LRP1B: variants seen among roughly 807,000 people sequenced by gnomAD.
LRP1B encodes LDL receptor related protein 1B.
Under a neutral mutation model 556.6 loss-of-function variants are expected in LRP1B, and 217 were observed. The observed-to-expected ratio is 0.39, with a 90% CI of 0.35 to 0.44. LRP1B has a LOEUF of 0.44. LRP1B is among the 20% of genes least tolerant of loss of function. The pLI, the probability that LRP1B is intolerant of heterozygous loss-of-function variation, is 1.00. For missense variants in LRP1B, 5,053 were observed against 5,620.8 expected (o/e 0.90, Z 3.23); for synonymous variants, 2,047 against 1,865.8 (o/e 1.10, Z -2.50).
At chr2:141,208,446 G>T (rs1682378748) in intron 6 of LRP1B, 1 of 152,202 alleles carries the variant, frequency 6.6e-6, no homozygotes, top group African/African-American at 2.4e-5. Flanking sequence ...GAATCGCTTG[G>T]CTACTGGCAT....
chr2:140,233,610 C>A (rs1052618350), intron 90 of LRP1B, among the ~76,000 whole-genome samples: 6 of 151,144 alleles, frequency 4.0e-5, no homozygotes, highest in Admixed American at 2.0e-4. Context: ...TTTGTAAAAG[C>A]TATGTTCACT....
At chr2:141,057,512 G>C (rs1404107791) in intron 9 of LRP1B, among the ~76,000 whole-genome samples, 1 of 151,778 alleles carries the variant, frequency 6.6e-6, no homozygotes, top group Non-Finnish European at 1.5e-5. Context: ...GTGTTGTTGG[G>C]GGGGACCCAG....
At chr2:141,120,458 C>G (rs1701019529) in intron 7 of LRP1B, among the ~76,000 whole-genome samples, 1 of 151,934 alleles carries the variant, frequency 6.6e-6, no homozygotes, top group East Asian at 1.9e-4. Context: ...CAATATTTGA[C>G]TATTTTAACC....
At chr2:142,051,089 G>A (rs1297537173) in intron 1 of LRP1B, among the ~76,000 whole-genome samples, 1 of 152,074 alleles carries the variant, frequency 6.6e-6, no homozygotes. Context: ...ATAAGACCAT[G>A]AAAGAGGATA....
chr2:140,519,854 TG>T (rs1212004208), intron 49 of LRP1B, among the ~76,000 whole-genome samples: 1 of 152,028 alleles, frequency 6.6e-6, no homozygotes, highest in Non-Finnish European at 1.5e-5. Context: ...AACAGACACA[TG>T]AAAAAAATGC....
chr2:141,669,495 C>T lies in LRP1B; in HGVS notation c.205+140784G>A, dbSNP rs556594140. On this transcript the variant is annotated intron_variant, in intron 2 of 90. Coordinates refer to ENST00000389484, the MANE Select transcript of LRP1B (RefSeq NM_018557.3). ...CAGATCAAAACCTTCCTCTGGGAAG[C>T]CTGCCTCTAGGCAGGGAAGGTGTTC... Among the ~76,000 whole-genome samples, 5 of 152,186 alleles carry T rather than the reference C, an allele frequency of 3.3e-5. No homozygotes were observed. The South Asian group carries it at 8.3e-4, about 25-fold the overall frequency.
At chr2:141,414,564 C>T (rs1002235313) in intron 3 of LRP1B, among the ~76,000 whole-genome samples, 13 of 152,176 alleles carry the variant, frequency 8.5e-5, no homozygotes, top group African/African-American at 2.9e-4. Context: ...ACAGCCCTTG[C>T]CCATAGTGCA....
At chr2:141,421,009 C>T (rs1016593645) in intron 3 of LRP1B, among the ~76,000 whole-genome samples, 5 of 152,182 alleles carry the variant, frequency 3.3e-5, no homozygotes, top group African/African-American at 1.2e-4. Context: ...TTAAACCACT[C>T]TTCTTATGCC....
intron 60 of LRP1B, among the ~76,000 whole-genome samples, chr2:140,467,463 T>A (rs575861245): frequency 0.016 from 2,363 of 150,540 alleles, 57 homozygotes; most frequent in African/African-American, 0.052. Flanking sequence ...AAAAAAAAAA[T>A]TTGCTGGGCC....
At chr2:140,545,398 C>T (rs1680292831) in intron 43 of LRP1B, among the ~76,000 whole-genome samples, 1 of 151,978 alleles carries the variant, frequency 6.6e-6, no homozygotes, top group Admixed American at 6.6e-5. Flanking sequence ...AGCTTGTCTT[C>T]CAGGGTTTTT....
intron 1 of LRP1B, among the ~76,000 whole-genome samples, chr2:141,875,998 AT>A (rs1283533263): frequency 5.3e-5 from 8 of 152,190 alleles, no homozygotes; most frequent in African/African-American, 1.9e-4. Flanking sequence ...TAAAACAATA[AT>A]ACAGGAAGAA....
chr2:141,380,653 T>C (rs1226906418), intron 3 of LRP1B, among the ~76,000 whole-genome samples: 1 of 152,174 alleles, frequency 6.6e-6, no homozygotes, highest in Admixed American at 6.6e-5. Flanking sequence ...TGCATGTATT[T>C]CCCACAGCTT....
intron 7 of LRP1B, among the ~76,000 whole-genome samples, chr2:141,148,106 T>C (rs1377145169): frequency 1.3e-5 from 2 of 152,198 alleles, no homozygotes; most frequent in African/African-American, 4.8e-5. Context: ...TAAGCATGCG[T>C]GACTGTAGTT....
intron 1 of LRP1B, among the ~76,000 whole-genome samples, chr2:142,018,787 C>CTTT (rs562470957): frequency 0.027 from 3,911 of 145,728 alleles, 67 homozygotes; most frequent in Non-Finnish European, 0.04. Context: ...CTGACTTACG[C>CTTT]TTTTTTTTTT....
intron 3 of LRP1B, among the ~76,000 whole-genome samples, chr2:141,377,014 G>T (rs1466661331): frequency 1.3e-5 from 2 of 151,990 alleles, no homozygotes; most frequent in East Asian, 3.9e-4. Context: ...GTTTTGTCCT[G>T]GGCTCATACT....
At chr2:141,865,383 G>T (rs1338412424) in intron 1 of LRP1B, among the ~76,000 whole-genome samples, 1 of 151,790 alleles carries the variant, frequency 6.6e-6, no homozygotes, top group South Asian at 2.1e-4. Flanking sequence ...ACGAGGTCAG[G>T]AGATCGAGAC....
rs543647364 is a variant in LRP1B, at chr2:141,252,689, T to C, written c.463+1833A>G. ...ATATGATCGATTATCTCTTTTCTTC[T>C]TTCTACTTAGCCAGAATGCACTGAG... is the stretch of plus-strand genomic sequence containing the variant. On this transcript the variant is annotated intron_variant, in intron 4 of 90. Transcript: ENST00000389484. Among the ~76,000 whole-genome samples the C allele has an allele frequency of 2.1e-3, 326 of 152,308 alleles. 1 individual carries two copies. The Middle Eastern group carries it at 0.024, about 11-fold the overall frequency.
At chr2:141,577,595 C>A (rs373035247) in intron 2 of LRP1B, among the ~76,000 whole-genome samples, 3 of 152,142 alleles carry the variant, frequency 2.0e-5, no homozygotes, top group South Asian at 4.1e-4. Flanking sequence ...AAGCACCTGG[C>A]AGGCATTTGT....
chr2:141,364,628 T>C lies in LRP1B; in HGVS notation c.344-109987A>G, dbSNP rs182209564. ...ATCTTTCAATCTGGCAGCTGAAAGG[T>C]AGATGTTTTACTTTATAAATTCTAT... On this transcript the variant is annotated intron_variant, in intron 3 of 90. Transcript: ENST00000389484. Among the ~76,000 whole-genome samples, 565 of 152,284 alleles carry C rather than the reference T, an allele frequency of 3.7e-3. 2 individuals are homozygous for C. Among genetic ancestry groups the C allele is most frequent in the Non-Finnish European group, 6.2e-3 (425 of 68,006 alleles).
Sources: gnomAD v4.1 joint callset for allele counts (sites outside exome capture counted in the v4.1 genomes callset) on GRCh38, gnomAD v4.1.1 for gene constraint, MANE v1.5 for transcripts, NCBI Gene and HGNC (gene_info 2026-07-23, HGNC 2026-07-21) for gene names.